CCSER1: variants seen among roughly 807,000 people sequenced by gnomAD.
CCSER1 encodes coiled-coil serine rich protein 1.
A neutral mutation model predicts 82.0 loss-of-function variants in CCSER1; 41 were observed. That is an observed-to-expected ratio of 0.50 (90% confidence interval 0.39 to 0.65). The LOEUF (loss-of-function observed/expected upper bound fraction) is 0.65, where lower values mean the gene tolerates loss of function less well. CCSER1 is among the 30% of genes least tolerant of loss of function. The probability of loss-of-function intolerance (pLI) is 0.00; values close to 1 mark genes in which losing one functional copy is unlikely to be tolerated. For synonymous variants in CCSER1, 414 were observed against 383.9 expected, an observed-to-expected ratio of 1.08 and a Z score of -0.92; for missense variants, 1,119 against 1,064.2, an observed-to-expected ratio of 1.05 and a Z score of -0.72.
chr4:91,374,722 GTGATGGCTCACGCC>G (rs1341171265), intron 10 of CCSER1, among the ~76,000 whole-genome samples: 7 of 152,232 alleles, frequency 4.6e-5, no homozygotes, highest in African/African-American at 1.4e-4. Context: ...TAGGCCGGGC[GTGATGGCTCACGCC>G]TGTAATCCCA....
chr4:90,188,889 G>T (rs1418761571), intron 1 of CCSER1, among the ~76,000 whole-genome samples: 2 of 151,850 alleles, frequency 1.3e-5, no homozygotes, highest in African/African-American at 4.8e-5. Flanking sequence ...ATTACTATGG[G>T]AATAGAAAAA....
At chr4:91,193,659 G>A (rs561592745) in intron 10 of CCSER1, among the ~76,000 whole-genome samples, 1 of 152,190 alleles carries the variant, frequency 6.6e-6, no homozygotes, top group African/African-American at 2.4e-5. Context: ...ATTATTGTTC[G>A]ATCTTGTCAT....
intron 8 of CCSER1, among the ~76,000 whole-genome samples, chr4:90,886,297 T>C (rs1172235809): frequency 6.6e-6 from 1 of 152,196 alleles, no homozygotes; most frequent in Non-Finnish European, 1.5e-5. Flanking sequence ...CCTCAGCCTC[T>C]TTTTAATTCC....
intron 4 of CCSER1, among the ~76,000 whole-genome samples, chr4:90,429,294 A>C (rs891176289): frequency 6.6e-6 from 1 of 151,838 alleles, no homozygotes; most frequent in African/African-American, 2.4e-5. Flanking sequence ...TCCTCACATT[A>C]TTGTAACGAC....
chr4:91,389,961 T>C (rs1204460054), intron 10 of CCSER1, among the ~76,000 whole-genome samples: 1 of 152,078 alleles, frequency 6.6e-6, no homozygotes, highest in Non-Finnish European at 1.5e-5. Flanking sequence ...CAGAAATTTT[T>C]TGTAGATTAT....
intron 7 of CCSER1, among the ~76,000 whole-genome samples, chr4:90,808,796 C>G (rs1033157720): frequency 6.6e-6 from 1 of 152,138 alleles, no homozygotes; most frequent in Admixed American, 6.5e-5. Context: ...GCTGATGAGA[C>G]TATAAATTAG....
intron 10 of CCSER1, among the ~76,000 whole-genome samples, chr4:91,200,153 A>T (rs1735791386): frequency 6.7e-6 from 1 of 150,246 alleles, no homozygotes; most frequent in South Asian, 2.1e-4. Context: ...TTGCTATTTT[A>T]TTCAGTTTCA....
intron 5 of CCSER1, among the ~76,000 whole-genome samples, chr4:90,526,763 G>A (rs1345686970): frequency 6.6e-6 from 1 of 152,078 alleles, no homozygotes; most frequent in Non-Finnish European, 1.5e-5. Context: ...TCTTTATCCA[G>A]TCTATCACTG....
At chr4:91,433,521 T>C (rs1406198077) in intron 10 of CCSER1, among the ~76,000 whole-genome samples, 1 of 152,244 alleles carries the variant, frequency 6.6e-6, no homozygotes, top group Non-Finnish European at 1.5e-5. Context: ...CCATTTTTTA[T>C]CTTTCATTCT....
chr4:90,960,981 A>G (rs760100735), intron 9 of CCSER1, among the ~76,000 whole-genome samples: 9 of 152,208 alleles, frequency 5.9e-5, no homozygotes, highest in Non-Finnish European at 8.8e-5. Context: ...GTTCATGCTC[A>G]TAATGACTAT....
intron 10 of CCSER1, among the ~76,000 whole-genome samples, chr4:91,525,068 G>C (rs1430988604): frequency 6.6e-6 from 1 of 152,110 alleles, no homozygotes; most frequent in Admixed American, 6.6e-5. Flanking sequence ...GTCTGTGCTA[G>C]AGATCTCTAA....
At chr4:90,897,080 G>A (rs1321328575) in intron 8 of CCSER1, among the ~76,000 whole-genome samples, 1 of 151,278 alleles carries the variant, frequency 6.6e-6, no homozygotes, top group African/African-American at 2.4e-5. Context: ...TTTATATTTG[G>A]GGACCAATTA....
At chr4:90,369,048 T>C (rs1280380996) in intron 3 of CCSER1, among the ~76,000 whole-genome samples, 1 of 151,808 alleles carries the variant, frequency 6.6e-6, no homozygotes. Context: ...AAATTATACC[T>C]GCAGAAATTT....
intron 10 of CCSER1, among the ~76,000 whole-genome samples, chr4:91,335,911 T>A (rs1011091717): frequency 1.3e-5 from 2 of 152,162 alleles, no homozygotes; most frequent in Non-Finnish European, 2.9e-5. Flanking sequence ...TTTAACAACA[T>A]GCCTTACATA....
intron 3 of CCSER1, among the ~76,000 whole-genome samples, chr4:90,372,929 A>G (rs1747689954): frequency 6.6e-6 from 1 of 151,560 alleles, no homozygotes; most frequent in East Asian, 1.9e-4. Context: ...GGAGCACACT[A>G]AAGAAATAAA....
chr4:90,978,842 C>T (rs1419318814), intron 9 of CCSER1, among the ~76,000 whole-genome samples: 1 of 151,680 alleles, frequency 6.6e-6, no homozygotes, highest in South Asian at 2.1e-4. Flanking sequence ...AGCTCAGCTC[C>T]TATAAAATTT....
chr4:91,368,526 C>T (rs942769697), intron 10 of CCSER1, among the ~76,000 whole-genome samples: 17 of 151,878 alleles, frequency 1.1e-4, no homozygotes, highest in African/African-American at 4.1e-4. Context: ...TTAGTTGTTT[C>T]TCTTCTTCTA....
At chr4:90,153,210 T>C (rs185632964) in intron 1 of CCSER1, among the ~76,000 whole-genome samples, 7 of 152,226 alleles carry the variant, frequency 4.6e-5, no homozygotes, top group East Asian at 3.9e-4. Context: ...ACAAAGGACA[T>C]GAACTCATCA....
chr4:91,479,152 A>C (rs1757751317), intron 10 of CCSER1, among the ~76,000 whole-genome samples: 1 of 151,614 alleles, frequency 6.6e-6, no homozygotes, highest in Non-Finnish European at 1.5e-5. Flanking sequence ...CAAAATAAAA[A>C]CATTTTGTTG....
Sources: allele counts gnomAD v4.1 joint callset (sites outside exome capture counted in the v4.1 genomes callset), GRCh38; gene constraint gnomAD v4.1.1; transcripts MANE v1.5; gene names NCBI Gene and HGNC (gene_info 2026-07-23, HGNC 2026-07-21).